The following GMFG variants were observed in gnomAD, a reference collection of about 807,000 sequenced individuals.
GMFG encodes glia maturation factor gamma.
In GMFG, 21 loss-of-function variants were observed where a neutral mutation model predicts 26.1. The observed-to-expected ratio is 0.80, with a 90% CI of 0.57 to 1.16. The LOEUF is 1.16. GMFG is among the 50% of genes most tolerant of loss of function. The pLI is 0.00. For synonymous variants in GMFG, 65 were observed against 60.8 expected (o/e 1.07, Z -0.32); for missense variants, 161 against 178.3 (o/e 0.90, Z 0.55).
intron 3 of GMFG, among the ~76,000 whole-genome samples, chr19:39,333,490 GAA>G (rs1188199297): frequency 6.7e-6 from 1 of 150,148 alleles, no homozygotes; most frequent in Non-Finnish European, 1.5e-5. Context: ...TGAGGCAGGA[GAA>G]TTGCTTGAAC....
intron 5 of GMFG, 150 bp from the exon 6 acceptor site, chr19:39,329,223 C>T (rs2075216369): frequency 3.2e-6 from 2 of 616,900 alleles, no homozygotes; most frequent in South Asian, 2.0e-5. Flanking sequence ...TCTAGGTTGG[C>T]TTGGGGGCTT....
At chr19:39,332,333 CAA>C (rs575743761) in intron 4 of GMFG, among the ~76,000 whole-genome samples, 64 of 115,402 alleles carry the variant, frequency 5.5e-4, no homozygotes, top group African/African-American at 7.7e-4. Context: ...CTGTCTCTAA[CAA>C]AAAAAAAAAA....
In GMFG at chr19:39,329,072, G is replaced by A; in HGVS notation, c.285C>T (p.Gly95=). 2 of 1,611,674 alleles carry A rather than the reference G, an allele frequency of 1.2e-6. No individual in the cohort carries two copies. The highest frequency in any genetic ancestry group is 1.7e-6 in the Non-Finnish European group (2 of 1,177,802). ...PLCFIFSSPV[G]CKPEQQMMYA... is the part of the protein sequence containing the mutation. ...ACATCATCTGTTGTTCCGGCTTGCA[G>A]CCTGCGTGGAAAAGAGGAGAAAGGC... Residue 95 remains glycine, a splice_region_variant and synonymous_variant, in exon 6 of 7, where the codon GGC becomes GGT. Coordinates refer to ENST00000597595, the MANE Select transcript of GMFG (RefSeq NM_004877.4).
intron 3 of GMFG, 60 bp downstream of exon 3, chr19:39,335,201 C>T: frequency 2.2e-6 from 3 of 1,347,764 alleles, no homozygotes; most frequent in East Asian, 2.3e-5. Flanking sequence ...TCAGTTCCAA[C>T]CACTTGGTTC....
At chr19:39,334,448 A>C (rs1414113878) in intron 3 of GMFG, among the ~76,000 whole-genome samples, 1 of 151,596 alleles carries the variant, frequency 6.6e-6, no homozygotes, top group Non-Finnish European at 1.5e-5. Flanking sequence ...TTGTATTTTT[A>C]GTAGAGTTAG....
intron 5 of GMFG, 94 bp from the exon 6 acceptor site, chr19:39,329,167 G>A: frequency 1.2e-6 from 1 of 835,786 alleles, no homozygotes; most frequent in Non-Finnish European, 2.0e-6. Context: ...AGCTTGCCAA[G>A]GGTCCTAGGA....
At chr19:39,328,830 G>T (rs2075214172) in intron 6 of GMFG, 170 bp downstream of exon 6, 1 of 640,610 alleles carries the variant, frequency 1.6e-6, no homozygotes, top group Non-Finnish European at 2.8e-6. Flanking sequence ...GTGAGCCGAG[G>T]TTGTGCCACT....
rs2075233954 is a variant in GMFG, at chr19:39,333,128, T to C, written c.151-2A>G. 3 of 1,589,672 alleles carry C rather than the reference T, an allele frequency of 1.9e-6. No individual in the cohort carries two copies. In the Admixed American group the frequency reaches 5.1e-5, roughly 27 times the overall value. ...TTTGAGCTCCTCTGGGGAAATGTTC[T>C]GAGGCAAGAAAACAGAAGAAAAGAC... On this transcript the variant is annotated splice_acceptor_variant, in intron 3 of 6. Coordinates refer to ENST00000597595, the MANE Select transcript of GMFG (RefSeq NM_004877.4). LOFTEE classifies it high-confidence loss of function.
chr19:39,330,171 T>C (rs529123037), intron 4 of GMFG, among the ~76,000 whole-genome samples: 1 of 152,248 alleles, frequency 6.6e-6, no homozygotes, highest in Non-Finnish European at 1.5e-5. Flanking sequence ...ATGAGAAAAC[T>C]GAGGCCCAAA....
chr19:39,335,466 G>A lies in GMFG; in HGVS notation c.69C>T (p.Phe23=), dbSNP rs140200000. 3 of 1,613,744 alleles carry A rather than the reference G, an allele frequency of 1.9e-6. No individual in the cohort carries two copies. Among genetic ancestry groups the A allele is most frequent in the South Asian group, 1.1e-5 (1 of 91,084 alleles). ...TGGCTGCATTGTCTGTCTCTTTTCG[G>A]AAGCGGAATTTCCTCAGCTTTTCTG... is the stretch of plus-strand genomic sequence containing the variant. ...ELTEKLRKFR[F]RKETDNAAII... Residue 23 remains phenylalanine (F), a synonymous_variant, in exon 2 of 7, where the codon TTC becomes TTT. Transcript: ENST00000597595.
intron 3 of GMFG, among the ~76,000 whole-genome samples, chr19:39,334,109 G>A (rs538717725): frequency 2.3e-4 from 34 of 145,392 alleles, no homozygotes; most frequent in South Asian, 7.0e-4. Flanking sequence ...CTCCGCCTCC[G>A]GGGTTCACGC....
chr19:39,335,166 C>A, intron 3 of GMFG, 95 bp downstream of exon 3: 1 of 988,646 alleles, frequency 1.0e-6, no homozygotes, highest in Non-Finnish European at 1.5e-6. Context: ...CCAGGTCTTT[C>A]TACCCCCATG....
intron 3 of GMFG, among the ~76,000 whole-genome samples, chr19:39,334,418 C>T (rs1013278570): frequency 3.1e-4 from 47 of 152,140 alleles, no homozygotes; most frequent in South Asian, 2.1e-4. Context: ...CAGGTGCACA[C>T]CACTGTGCTT....
chr19:39,329,641 A>T lies in GMFG; in HGVS notation c.201-15T>A. 1 of 1,557,928 alleles carries T rather than the reference A, an allele frequency of 6.4e-7. No individual in the cohort carries two copies. The highest frequency in any genetic ancestry group is 1.1e-5 in the South Asian group (1 of 89,754). On this transcript the variant is annotated splice_polypyrimidine_tract_variant and intron_variant, in intron 4 of 6. Coordinates refer to ENST00000597595, the MANE Select transcript of GMFG (RefSeq NM_004877.4). ...AAACCACGAACCTACCGTGAAAGGGAATTGAAAATCAGGACTCTGGCCTGC... is the reference window on the plus strand; with the variant it reads ...AAACCACGAACCTACCGTGAAAGGGTATTGAAAATCAGGACTCTGGCCTGC...
intron 4 of GMFG, among the ~76,000 whole-genome samples, chr19:39,332,108 C>T (rs1392401351): frequency 2.6e-5 from 4 of 151,672 alleles, no homozygotes; most frequent in Admixed American, 1.3e-4. Flanking sequence ...TTTGGGAGGC[C>T]GAAGCAGGGA....
At position 39,333,093 on chromosome 19, in the gene GMFG, G is replaced by A. The variant is rs1386575435; in HGVS notation, c.184C>T (p.Pro62Ser). 2 of 1,598,622 alleles carry A rather than the reference G, an allele frequency of 1.3e-6. No homozygotes were observed. The highest frequency in any genetic ancestry group is 1.7e-5 in the Admixed American group (1 of 59,332). Residue 62 changes from proline to serine, a missense_variant, in exon 4 of 7, where the codon CCG becomes TCG. Coordinates refer to ENST00000597595, the MANE Select transcript of GMFG (RefSeq NM_004877.4). ...ISPEELKMELPERQPRFVVYS... is the reference protein window; with the variant it reads ...ISPEELKMELSERQPRFVVYS... ...CCAGGATACCTGGGCTGTCTCTCCG[G>A]CAACTCCATTTTGAGCTCCTCTGGG...
rs779866264 is a variant in GMFG at position 39,333,114 on chromosome 19, C to T, written c.163G>A (p.Glu55Lys). The T allele has an allele frequency of 6.3e-7, 1 of 1,594,068 alleles. No homozygotes were observed. Among genetic ancestry groups the T allele is most frequent in the Admixed American group, 1.7e-5 (1 of 59,190 alleles). The change falls in exon 4 of 7, where the codon GAG becomes AAG. Residue 55 changes from glutamate (E) to lysine (K), a missense_variant. Physicochemically the swap from Glu to Lys is moderately conservative, Grantham distance 56. Transcript: ENST00000597595. ...LEEEFQNISP[E>K]ELKMELPERQ... ...TCCGGCAACTCCATTTTGAGCTCCT[C>T]TGGGGAAATGTTCTGAGGCAAGAAA...
chr19:39,333,025 A>G, intron 4 of GMFG, 52 bp downstream of exon 4: 1 of 1,258,774 alleles, frequency 7.9e-7, no homozygotes, highest in Non-Finnish European at 1.2e-6. Flanking sequence ...TATACCTCCA[A>G]CATCACCCCT....
At chr19:39,335,382 A>T in intron 2 of GMFG, 53 bp downstream of exon 2, 1 of 1,585,276 alleles carries the variant, frequency 6.3e-7, no homozygotes, top group Non-Finnish European at 8.7e-7. Context: ...AGCCCTCCCT[A>T]TCTGCCCTCA....
Sources: allele counts gnomAD v4.1 joint callset (sites outside exome capture counted in the v4.1 genomes callset), GRCh38; gene constraint gnomAD v4.1.1; transcripts MANE v1.5; gene names NCBI Gene and HGNC (gene_info 2026-07-23, HGNC 2026-07-21).